Variants in NSMCE2 observed in about 807,000 individuals in gnomAD.
NSMCE2 encodes the protein E3 SUMO-protein ligase NSE2.
NSMCE2 carries 24 observed loss-of-function variants against 23.8 expected under a neutral mutation model. The observed-to-expected ratio is 1.01, with a 90% confidence interval of 0.73 to 1.42. NSMCE2 has a LOEUF of 1.42. Among genes scored for constraint, NSMCE2 ranks in the 40% most tolerant of loss-of-function variants. The probability of loss-of-function intolerance (pLI) is 0.00; values close to 1 mark genes in which losing one functional copy is unlikely to be tolerated. For synonymous variants in NSMCE2, 92 were observed against 94.1 expected (o/e 0.98, Z 0.13); for missense variants, 284 against 296.5 (o/e 0.96, Z 0.31).
intron 5 of NSMCE2, among the ~76,000 whole-genome samples, chr8:125,295,721 A>G (rs1227862209): frequency 6.6e-6 from 1 of 152,160 alleles, no homozygotes; most frequent in Non-Finnish European, 1.5e-5. Flanking sequence ...GAATAGTTGG[A>G]AGGAATAGTT....
At chr8:125,189,199 A>C (rs545122537) in intron 5 of NSMCE2, among the ~76,000 whole-genome samples, 1 of 152,344 alleles carries the variant, frequency 6.6e-6, no homozygotes, top group Admixed American at 6.5e-5. Flanking sequence ...TTTCTGCAGA[A>C]AGGGTGCTCC....
intron 5 of NSMCE2, among the ~76,000 whole-genome samples, chr8:125,261,977 A>T (rs946976254): frequency 1.3e-5 from 2 of 151,932 alleles, no homozygotes; most frequent in Admixed American, 6.6e-5. Flanking sequence ...CACACCTGTC[A>T]TCTCAATTAC....
intron 5 of NSMCE2, among the ~76,000 whole-genome samples, chr8:125,327,530 T>G (rs1829718247): frequency 6.6e-6 from 1 of 151,022 alleles, no homozygotes; most frequent in Admixed American, 6.6e-5. Context: ...TAAGAGAGTG[T>G]TTTTTTTTAA....
chr8:125,235,193 G>T (rs1333203397), intron 5 of NSMCE2, among the ~76,000 whole-genome samples: 1 of 151,474 alleles, frequency 6.6e-6, no homozygotes, highest in Non-Finnish European at 1.5e-5. Context: ...GTGAGCCAAG[G>T]TCGTGCCACT....
chr8:125,333,867 G>A (rs1377893627), intron 5 of NSMCE2, among the ~76,000 whole-genome samples: 1 of 152,150 alleles, frequency 6.6e-6, no homozygotes, highest in Non-Finnish European at 1.5e-5. Context: ...CCATTTCCCA[G>A]ATGAAGAAAA....
intron 5 of NSMCE2, among the ~76,000 whole-genome samples, chr8:125,316,242 A>G (rs931345728): frequency 4.6e-5 from 7 of 152,256 alleles, no homozygotes; most frequent in African/African-American, 1.7e-4. Context: ...CTTCAACAGC[A>G]CATACTTAAG....
chr8:125,209,596 T>C (rs1824246638), intron 5 of NSMCE2, among the ~76,000 whole-genome samples: 1 of 152,236 alleles, frequency 6.6e-6, no homozygotes, highest in Admixed American at 6.5e-5. Context: ...ATAGGAATCA[T>C]GATTTTTATT....
chr8:125,283,017 G>A (rs1381830613), intron 5 of NSMCE2, among the ~76,000 whole-genome samples: 4 of 152,176 alleles, frequency 2.6e-5, no homozygotes, highest in African/African-American at 7.2e-5. Context: ...TCTTAATTGT[G>A]CTTCTTGACA....
chr8:125,353,904 T>A lies in NSMCE2; in HGVS notation c.419-3315T>A, dbSNP rs181564079. ...GTCTCAAAAACTAAAAAATAAAAAA[T>A]ATATATATATATAATTTTATTGCTG... is the stretch of plus-strand genomic sequence containing the variant. On this transcript the variant is annotated intron_variant, in intron 5 of 7. Transcript: ENST00000287437. Among the ~76,000 whole-genome samples the A allele has an allele frequency of 8.3e-3, 1,230 of 147,822 alleles. 12 individuals are homozygous for A. Among genetic ancestry groups the A allele is most frequent in the African/African-American group, 0.027 (1,108 of 40,714 alleles).
intron 1 of NSMCE2, among the ~76,000 whole-genome samples, chr8:125,099,022 C>T (rs1313017209): frequency 6.6e-6 from 1 of 152,220 alleles, no homozygotes; most frequent in South Asian, 2.1e-4. Context: ...CATAGTATTA[C>T]ATTCATTCCT....
chr8:125,279,660 G>C (rs1160696590), intron 5 of NSMCE2, among the ~76,000 whole-genome samples: 1 of 152,128 alleles, frequency 6.6e-6, no homozygotes, highest in East Asian at 1.9e-4. Flanking sequence ...TTTTGAATCC[G>C]AGTTGAATCA....
At chr8:125,192,318 A>G (rs1371581710) in intron 5 of NSMCE2, among the ~76,000 whole-genome samples, 1 of 147,882 alleles carries the variant, frequency 6.8e-6, no homozygotes, top group Non-Finnish European at 1.5e-5. Flanking sequence ...CTTCTACTTC[A>G]TTTTTAAAAG....
intron 5 of NSMCE2, among the ~76,000 whole-genome samples, chr8:125,195,632 G>T (rs1369128649): frequency 6.6e-6 from 1 of 152,084 alleles, no homozygotes; most frequent in Non-Finnish European, 1.5e-5. Flanking sequence ...AATATGCTGG[G>T]AATATGGCAG....
At chr8:125,341,955 G>A (rs1405949519) in intron 5 of NSMCE2, among the ~76,000 whole-genome samples, 2 of 151,464 alleles carry the variant, frequency 1.3e-5, no homozygotes, top group East Asian at 1.9e-4. Context: ...ACAGATTAGT[G>A]GGGGAAACAG....
chr8:125,357,467 G>A lies in NSMCE2; in HGVS notation c.519+148G>A, dbSNP rs1160408007. The A allele has an allele frequency of 5.9e-6, 4 of 674,642 alleles. No individual in the cohort carries two copies. The East Asian group carries it at 1.1e-4, about 18-fold the overall frequency. 41.8% of individuals were successfully genotyped at this position (674,642 alleles called of 1,614,324 possible). On this transcript the variant is annotated intron_variant, in intron 6 of 7. Coordinates refer to ENST00000287437, the MANE Select transcript of NSMCE2 (RefSeq NM_173685.4). ...TGGGGGTTGAAGAGTATCCACGGGA[G>A]GTTCTTGGGCTGGAGAGAGCTGTCA...
intron 6 of NSMCE2, 85 bp from the exon 7 acceptor site, chr8:125,357,627 C>T: frequency 1.0e-6 from 1 of 970,908 alleles, no homozygotes; most frequent in Non-Finnish European, 1.6e-6. Context: ...GGAAGTTAAA[C>T]ATAGAAAGCT....
At chr8:125,228,333 G>A (rs1286263472) in intron 5 of NSMCE2, among the ~76,000 whole-genome samples, 2 of 152,130 alleles carry the variant, frequency 1.3e-5, no homozygotes, top group Non-Finnish European at 2.9e-5. Context: ...GTGTTAATTG[G>A]TTAGAATAAA....
chr8:125,272,396 C>G (rs929025513), intron 5 of NSMCE2, among the ~76,000 whole-genome samples: 2 of 151,186 alleles, frequency 1.3e-5, no homozygotes, highest in African/African-American at 4.9e-5. Context: ...TTTTCACTTA[C>G]TTATTCAAAA....
At chr8:125,106,698 AAAC>A (rs1344816476) in intron 3 of NSMCE2, among the ~76,000 whole-genome samples, 1 of 149,126 alleles carries the variant, frequency 6.7e-6, no homozygotes, top group Non-Finnish European at 1.5e-5. Flanking sequence ...AAAAAAAAAC[AAAC>A]AACTTTCATT....
Sources: gnomAD v4.1 joint callset for allele counts (sites outside exome capture counted in the v4.1 genomes callset) on GRCh38, gnomAD v4.1.1 for gene constraint, MANE v1.5 for transcripts, NCBI Gene and HGNC (gene_info 2026-07-23, HGNC 2026-07-21) for gene names.